The following EPB41L4A variants were observed in gnomAD, a reference collection of about 807,000 sequenced individuals.
EPB41L4A encodes the protein erythrocyte membrane protein band 4.1 like 4A.
EPB41L4A carries 100 observed loss-of-function variants against 108.6 expected under a neutral mutation model. The observed-to-expected ratio is 0.92, with a 90% confidence interval of 0.78 to 1.09. The LOEUF (loss-of-function observed/expected upper bound fraction) is 1.09. EPB41L4A is among the 50% of genes least tolerant of loss of function. EPB41L4A has a pLI of 0.00. For missense variants in EPB41L4A, 1,030 were observed against 842.7 expected, an observed-to-expected ratio of 1.22 and a Z score of -2.75; for synonymous variants, 319 against 289.0, an observed-to-expected ratio of 1.10 and a Z score of -1.05.
At chr5:112,255,648 G>T (rs1191669792) in intron 9 of EPB41L4A, among the ~76,000 whole-genome samples, 1 of 152,172 alleles carries the variant, frequency 6.6e-6, no homozygotes, top group South Asian at 2.1e-4. Context: ...AGCCTCCTTT[G>T]CTGGTTCTCT....
rs185653539 is a variant in EPB41L4A at position 112,346,328 on chromosome 5, C to T, written c.100-38838G>A. ...GCAACCTCCGCCTCCCGGGTTCAAG[C>T]GATTCTCCTGCCTCAGCCTCCTGTA... is the stretch of plus-strand genomic sequence containing the variant. On this transcript the variant is annotated intron_variant, in intron 1 of 22. Transcript: ENST00000261486. Among the ~76,000 whole-genome samples, 5 of 146,480 alleles carry T rather than the reference C, an allele frequency of 3.4e-5. No individual in the cohort carries two copies. In the East Asian group the frequency reaches 1.1e-3, roughly 32 times the overall value.
intron 11 of EPB41L4A, among the ~76,000 whole-genome samples, chr5:112,236,755 T>A (rs1028760147): frequency 6.6e-6 from 1 of 152,052 alleles, no homozygotes; most frequent in East Asian, 1.9e-4. Flanking sequence ...AGAACGAGAG[T>A]AGAAATACTC....
intron 12 of EPB41L4A, among the ~76,000 whole-genome samples, chr5:112,213,127 T>A (rs911215191): frequency 3.3e-5 from 5 of 152,306 alleles, no homozygotes; most frequent in African/African-American, 1.2e-4. Flanking sequence ...AAAAAAATCA[T>A]GTGAGTGCTC....
intron 1 of EPB41L4A, among the ~76,000 whole-genome samples, chr5:112,327,761 A>T (rs1317848030): frequency 6.6e-6 from 1 of 152,094 alleles, no homozygotes; most frequent in Non-Finnish European, 1.5e-5. Flanking sequence ...TTTAGCTACA[A>T]ATAGAAGCAC....
At chr5:112,218,317 C>CCAAAGA (rs1747802226) in intron 12 of EPB41L4A, among the ~76,000 whole-genome samples, 2 of 152,188 alleles carry the variant, frequency 1.3e-5, no homozygotes, top group Admixed American at 1.3e-4. Context: ...AAGATAACAC[C>CCAAAGA]TATCTATGAA....
intron 12 of EPB41L4A, among the ~76,000 whole-genome samples, chr5:112,220,615 C>T (rs1250476934): frequency 6.6e-6 from 1 of 152,148 alleles, no homozygotes; most frequent in Non-Finnish European, 1.5e-5. Flanking sequence ...CTTAGAAAGC[C>T]TCTGTGTGTT....
Position 112,307,502 on chromosome 5 carries a change from A to T in EPB41L4A, c.100-12T>A, listed in dbSNP as rs755448154. On this transcript the variant is annotated splice_polypyrimidine_tract_variant and intron_variant, in intron 1 of 22. Coordinates refer to ENST00000261486, the MANE Select transcript of EPB41L4A (RefSeq NM_022140.5). ...CCTTTCGTTGACTTCTGCAAAAATA[A>T]TTCAGTTTTATATTTTTTAACTGCC... The T allele has an allele frequency of 6.3e-7, 1 of 1,585,704 alleles. No individual in the cohort carries two copies. The highest frequency in any genetic ancestry group is 1.1e-5 in the South Asian group (1 of 90,334).
intron 17 of EPB41L4A, among the ~76,000 whole-genome samples, chr5:112,187,391 AG>A (rs966484434): frequency 9.2e-5 from 14 of 152,188 alleles, no homozygotes; most frequent in African/African-American, 3.4e-4. Context: ...TATAAGGGAG[AG>A]GGTTGCTTTA....
At chr5:112,291,715 T>G (rs898840070) in intron 2 of EPB41L4A, among the ~76,000 whole-genome samples, 12 of 152,158 alleles carry the variant, frequency 7.9e-5, no homozygotes, top group Non-Finnish European at 1.6e-4. Flanking sequence ...CCACAAAGAC[T>G]CAAGAGGACT....
intron 12 of EPB41L4A, chr5:112,228,591 T>C (rs1302306478): frequency 1.5e-5 from 7 of 472,820 alleles, no homozygotes; most frequent in Non-Finnish European, 1.9e-5. Context: ...TGTGTATCCA[T>C]CCCAAATGGC....
intron 1 of EPB41L4A, among the ~76,000 whole-genome samples, chr5:112,408,181 T>C (rs1762188993): frequency 6.6e-6 from 1 of 152,160 alleles, no homozygotes; most frequent in Admixed American, 6.5e-5. Flanking sequence ...TTTTAACAAA[T>C]GGTGTTGCGA....
chr5:112,237,626 C>T (rs1749444521), intron 11 of EPB41L4A, among the ~76,000 whole-genome samples: 1 of 152,162 alleles, frequency 6.6e-6, no homozygotes, highest in African/African-American at 2.4e-5. Flanking sequence ...GAATGTGTTT[C>T]CAGAGCTCTG....
At chr5:112,406,903 G>A (rs1762105965) in intron 1 of EPB41L4A, among the ~76,000 whole-genome samples, 1 of 152,090 alleles carries the variant, frequency 6.6e-6, no homozygotes, top group African/African-American at 2.4e-5. Flanking sequence ...GTCCATGTCA[G>A]GCCTAACTTT....
intron 1 of EPB41L4A, among the ~76,000 whole-genome samples, chr5:112,357,042 G>A (rs554696349): frequency 3.9e-5 from 6 of 152,152 alleles, no homozygotes; most frequent in Non-Finnish European, 8.8e-5. Context: ...AGGGCCCAGA[G>A]CGAGAGATGG....
intron 2 of EPB41L4A, among the ~76,000 whole-genome samples, chr5:112,282,142 G>A (rs547446730): frequency 5.8e-4 from 89 of 152,280 alleles, no homozygotes; most frequent in African/African-American, 2.0e-3. Context: ...AGCCCACAGC[G>A]ACTAAAAATG....
chr5:112,220,040 C>G (rs1174483907), intron 12 of EPB41L4A, among the ~76,000 whole-genome samples: 2 of 152,158 alleles, frequency 1.3e-5, no homozygotes, highest in Non-Finnish European at 2.9e-5. Context: ...TTTTATTTCC[C>G]TAATGATTAC....
chr5:112,352,888 T>G (rs891275910), intron 1 of EPB41L4A, among the ~76,000 whole-genome samples: 6 of 152,226 alleles, frequency 3.9e-5, no homozygotes, highest in Admixed American at 3.9e-4. Flanking sequence ...TCCTTGCTTT[T>G]CCATGTTAAT....
chr5:112,330,491 G>C (rs1316599516), intron 1 of EPB41L4A, among the ~76,000 whole-genome samples: 1 of 152,176 alleles, frequency 6.6e-6, no homozygotes, highest in Non-Finnish European at 1.5e-5. Flanking sequence ...GCAGGATGCA[G>C]GGTATCAGTG....
intron 12 of EPB41L4A, among the ~76,000 whole-genome samples, chr5:112,150,296 C>G (rs187716060): frequency 1.3e-5 from 2 of 151,760 alleles, no homozygotes; most frequent in Non-Finnish European, 2.9e-5. Context: ...ATGACAAACC[C>G]ACGAGAAAAT....
Sources: allele counts gnomAD v4.1 joint callset (sites outside exome capture counted in the v4.1 genomes callset), GRCh38; gene constraint gnomAD v4.1.1; transcripts MANE v1.5; gene names NCBI Gene and HGNC (gene_info 2026-07-23, HGNC 2026-07-21).